The following ALK variants were observed in gnomAD, a reference collection of about 807,000 sequenced individuals.
ALK encodes the protein ALK tyrosine kinase receptor.
A neutral mutation model predicts 163.1 loss-of-function variants in ALK; 74 were observed. The ratio of observed to expected loss-of-function variants is 0.45; its 90% CI spans 0.38 to 0.55. The LOEUF is 0.55. ALK is among the 20% of genes least tolerant of loss of function. The pLI, the probability that ALK is intolerant of heterozygous loss-of-function variation, is 0.00. For missense variants in ALK, 2,063 were observed against 2,105.3 expected (o/e 0.98, Z 0.39); for synonymous variants, 960 against 843.2 (o/e 1.14, Z -2.40).
chr2:29,481,946 T>G lies in ALK; in HGVS notation c.1154+49969A>C, dbSNP rs182185581. Among the ~76,000 whole-genome samples, 14 of 152,372 alleles carry G rather than the reference T, an allele frequency of 9.2e-5. No homozygotes were observed. In the East Asian group the frequency reaches 2.7e-3, roughly 29 times the overall value. On this transcript the variant is annotated intron_variant, in intron 4 of 28. Transcript: ENST00000389048. Reference sequence around the variant, plus strand: ...CAAAGAAAGAAGGTGATTAATTGGCTGATGTCCTGCCTTCCTTAAAAGAAA... The same window carrying G: ...CAAAGAAAGAAGGTGATTAATTGGCGGATGTCCTGCCTTCCTTAAAAGAAA...
chr2:29,206,672 A>G (rs1573098124), intron 26 of ALK, among the ~76,000 whole-genome samples: 1 of 151,848 alleles, frequency 6.6e-6, no homozygotes, highest in East Asian at 1.9e-4. Flanking sequence ...CCATTTTCTA[A>G]TCTTCTCAGT....
intron 3 of ALK, among the ~76,000 whole-genome samples, chr2:29,665,027 C>T (rs1162717194): frequency 7.0e-6 from 1 of 142,494 alleles, no homozygotes; most frequent in Non-Finnish European, 1.5e-5. Context: ...TTGAGACCTG[C>T]TCTCACTGTG....
At chr2:29,837,988 A>T (rs1454474230) in intron 1 of ALK, among the ~76,000 whole-genome samples, 1 of 152,172 alleles carries the variant, frequency 6.6e-6, no homozygotes, top group African/African-American at 2.4e-5. Context: ...AGAAACAAAG[A>T]AACAATTACA....
intron 4 of ALK, among the ~76,000 whole-genome samples, chr2:29,474,392 C>T (rs114007365): frequency 6.6e-6 from 1 of 152,074 alleles, no homozygotes; most frequent in African/African-American, 2.4e-5. Flanking sequence ...CATCTTGGTC[C>T]GAGTGGTAAT....
intron 1 of ALK, among the ~76,000 whole-genome samples, chr2:29,840,708 C>G (rs527456774): frequency 6.6e-6 from 1 of 152,282 alleles, no homozygotes; most frequent in South Asian, 2.1e-4. Flanking sequence ...TACTGTGTCA[C>G]TAAAATTTGA....
At chr2:29,455,985 G>C (rs928707334) in intron 4 of ALK, among the ~76,000 whole-genome samples, 2 of 152,136 alleles carry the variant, frequency 1.3e-5, no homozygotes, top group African/African-American at 4.8e-5. Flanking sequence ...TTAAAACTGA[G>C]CCTGGTGGGA....
At chr2:29,390,038 A>C (rs150685464) in intron 4 of ALK, among the ~76,000 whole-genome samples, 7 of 152,344 alleles carry the variant, frequency 4.6e-5, no homozygotes, top group Non-Finnish European at 1.0e-4. Context: ...CAAGAGTTAA[A>C]ACTTATTAAA....
chr2:29,457,906 C>T (rs1005692466), intron 4 of ALK, among the ~76,000 whole-genome samples: 1 of 152,112 alleles, frequency 6.6e-6, no homozygotes, highest in African/African-American at 2.4e-5. Flanking sequence ...ATACTTTTCT[C>T]CTGTCCAGCC....
chr2:29,899,371 G>A (rs917090160), intron 1 of ALK, among the ~76,000 whole-genome samples: 1 of 152,202 alleles, frequency 6.6e-6, no homozygotes, highest in African/African-American at 2.4e-5. Context: ...GTGTGTGAAG[G>A]TGCCAAGGGC....
At chr2:29,705,444 TG>T (rs1399741461) in intron 2 of ALK, among the ~76,000 whole-genome samples, 1 of 151,400 alleles carries the variant, frequency 6.6e-6, no homozygotes, top group African/African-American at 2.4e-5. Flanking sequence ...ACCAGGAACC[TG>T]GGGATGAACT....
chr2:29,282,815 T>A (rs537780208), intron 9 of ALK, among the ~76,000 whole-genome samples: 1 of 152,096 alleles, frequency 6.6e-6, no homozygotes, highest in Non-Finnish European at 1.5e-5. Context: ...GTTTGAGGCT[T>A]CCAGGCATTC....
Position 29,858,177 on chromosome 2 carries a change from C to T in ALK, c.667+61816G>A, listed in dbSNP as rs147393669. On this transcript the variant is annotated intron_variant, in intron 1 of 28. Transcript: ENST00000389048. ...AGAACAGTTCCGTCACCACAAGAAT[C>T]CCTCCTGTTGCCCCTGTATAACCAC... 3.2e-3 allele frequency among the ~76,000 whole-genome samples: 486 copies of T among 152,270 alleles called. 1 individual carries two copies. The highest frequency in any genetic ancestry group is 0.011 in the African/African-American group (448 of 41,558).
rs79308955 is a variant in ALK at position 29,443,187 on chromosome 2, G to C, written c.1155-59328C>G. ...CTCTGTAGTGTCACAGGTTACTTAAGGGTCTATGCCTGCTGCCTGAACCCT... is the reference window on the plus strand; with the variant it reads ...CTCTGTAGTGTCACAGGTTACTTAACGGTCTATGCCTGCTGCCTGAACCCT... On this transcript the variant is annotated intron_variant, in intron 4 of 28. Coordinates refer to ENST00000389048, the MANE Select transcript of ALK (RefSeq NM_004304.5). Among the ~76,000 whole-genome samples the C allele has an allele frequency of 9.6e-4, 146 of 152,292 alleles. 1 individual carries two copies. Among genetic ancestry groups the C allele is most frequent in the African/African-American group, 3.4e-3 (141 of 41,556 alleles).
chr2:29,336,240 C>T (rs1667609984), intron 5 of ALK, among the ~76,000 whole-genome samples: 1 of 152,168 alleles, frequency 6.6e-6, no homozygotes, highest in African/African-American at 2.4e-5. Flanking sequence ...CTCTGATGTC[C>T]TGTTCTGGGC....
At chr2:29,241,642 G>A (rs1266008037) in intron 12 of ALK, among the ~76,000 whole-genome samples, 2 of 151,862 alleles carry the variant, frequency 1.3e-5, no homozygotes, top group Non-Finnish European at 2.9e-5. Context: ...AAGAAGCAGG[G>A]AGCCTCAAGT....
At chr2:29,802,776 T>TC (rs1245525088) in intron 1 of ALK, among the ~76,000 whole-genome samples, 1 of 123,342 alleles carries the variant, frequency 8.1e-6, no homozygotes, top group Non-Finnish European at 1.9e-5. Flanking sequence ...AGACTGGAAC[T>TC]CTTTTTTTTT....
At chr2:29,832,423 C>A (rs920512872) in intron 1 of ALK, among the ~76,000 whole-genome samples, 5 of 152,028 alleles carry the variant, frequency 3.3e-5, no homozygotes, top group African/African-American at 9.7e-5. Context: ...AGGGGCAAAC[C>A]GATGCACAAC....
intron 1 of ALK, among the ~76,000 whole-genome samples, chr2:29,768,709 AT>A (rs1680930367): frequency 7.3e-5 from 1 of 13,642 alleles, no homozygotes; most frequent in Non-Finnish European, 1.8e-4. Flanking sequence ...TAAATTATAT[AT>A]GTCTGTGTGT....
chr2:29,202,087 A>G (rs182654084), intron 26 of ALK, among the ~76,000 whole-genome samples: 36 of 152,106 alleles, frequency 2.4e-4, no homozygotes, highest in African/African-American at 7.5e-4. Context: ...TTCCACCCCT[A>G]TTGGCCCTGG....
Sources: gnomAD v4.1 joint callset for allele counts (sites outside exome capture counted in the v4.1 genomes callset) on GRCh38, gnomAD v4.1.1 for gene constraint, MANE v1.5 for transcripts, NCBI Gene and HGNC (gene_info 2026-07-23, HGNC 2026-07-21) for gene names.